AGXT: variants seen among roughly 807,000 people sequenced by gnomAD.
The protein encoded by AGXT is alanine--glyoxylate aminotransferase.
Under a neutral mutation model 46.9 loss-of-function variants are expected in AGXT, and 41 were observed. The ratio of observed to expected loss-of-function variants is 0.88; its 90% CI spans 0.68 to 1.14. The LOEUF is 1.14. Ranked by LOEUF, AGXT falls within the 50% of genes most tolerant of loss-of-function variation. The probability of loss-of-function intolerance (pLI) is 0.00; values close to 1 mark genes in which losing one functional copy is unlikely to be tolerated. For missense variants in AGXT, 525 were observed against 522.7 expected, an observed-to-expected ratio of 1.00 and a Z score of -0.04; for synonymous variants, 244 against 227.9, an observed-to-expected ratio of 1.07 and a Z score of -0.64.
chr2:240,873,545 C>T (rs1231398610), intron 5 of AGXT: 1 of 287,500 alleles, frequency 3.5e-6, no homozygotes, highest in East Asian at 9.4e-5. Flanking sequence ...CGGGAGAGAG[C>T]CTGCACATTG....
chr2:240,869,142 G>A (rs1231420875), intron 1 of AGXT, 28 bp from the exon 2 acceptor site: 1 of 1,610,936 alleles, frequency 6.2e-7, no homozygotes. Context: ...GGGGAGCCTG[G>A]GTCTCACCCT....
intron 6 of AGXT, among the ~76,000 whole-genome samples, chr2:240,874,859 G>A (rs1020372406): frequency 5.9e-5 from 9 of 152,248 alleles, no homozygotes; most frequent in African/African-American, 1.9e-4. Flanking sequence ...ACACAGAGTG[G>A]AGGGAGCTGG....
intron 8 of AGXT, 48 bp downstream of exon 8, chr2:240,876,052 T>A: frequency 6.3e-7 from 1 of 1,599,262 alleles, no homozygotes; most frequent in Non-Finnish European, 8.6e-7. Flanking sequence ...CTGGCTGGAT[T>A]GTCGAGGGCG....
At position 240,878,722 on chromosome 2, in the gene AGXT, G is replaced by A. The variant is rs1201486167; in HGVS notation, c.1080G>A (p.Arg360=). 6 of 1,561,110 alleles carry A rather than the reference G, an allele frequency of 3.8e-6. No individual in the cohort carries two copies. Among genetic ancestry groups the A allele is most frequent in the South Asian group, 1.2e-5 (1 of 84,978 alleles). The change falls in exon 11 of 11, where the codon CGG becomes CGA. Residue 360 remains arginine (R), a synonymous_variant. Coordinates refer to ENST00000307503, the MANE Select transcript of AGXT (RefSeq NM_000030.3). ...CGCCCTGTGCCCCCCAGGTGCTGCG[G>A]ATCGGCCTGCTGGGCTGCAATGCCA... The part of the protein sequence containing the change: ...GLGPSTGKVL[R]IGLLGCNATR...
At chr2:240,870,519 G>A in intron 2 of AGXT, 125 bp from the exon 3 acceptor site, 8 of 1,142,512 alleles carry the variant, frequency 7.0e-6, no homozygotes, top group Non-Finnish European at 1.0e-5. Context: ...CAGGCAGGCA[G>A]CCAGGGTGCC....
intron 8 of AGXT, 83 bp from the exon 9 acceptor site, chr2:240,877,454 G>C: frequency 1.5e-6 from 2 of 1,347,240 alleles, no homozygotes; most frequent in Non-Finnish European, 2.1e-6. Context: ...GCAGAGTCAG[G>C]TTCTTCCTCC....
At chr2:240,872,252 T>G (rs2058994805) in intron 4 of AGXT, among the ~76,000 whole-genome samples, 1 of 145,734 alleles carries the variant, frequency 6.9e-6, no homozygotes. Flanking sequence ...GGATAAGAGT[T>G]CGTGAACATG....
At chr2:240,876,295 G>A (rs2059024507) in intron 8 of AGXT, among the ~76,000 whole-genome samples, 1 of 152,194 alleles carries the variant, frequency 6.6e-6, no homozygotes, top group South Asian at 2.1e-4. Flanking sequence ...GGGTGGGCTG[G>A]GAGAAGGGGA....
In AGXT at chr2:240,880,192, G is replaced by A. The variant is rs909064060; in HGVS notation, c.*1371G>A. 1.3e-5 allele frequency: 2 copies of A among 152,176 alleles called. No individual in the cohort carries two copies. Among genetic ancestry groups the A allele is most frequent in the South Asian group, 2.1e-4 (1 of 4,818 alleles). The allele number at this position is 152,176 out of a possible 1,614,324, so 9.4% of individuals were successfully genotyped here. A position where few individuals can be genotyped will look rare whatever the true frequency, so the allele number is the denominator to read the frequency against. On this transcript the variant is annotated 3_prime_UTR_variant, in exon 11 of 11. Transcript: ENST00000307503. ...TCATACAATAGGCTTAACCTTATAC[G>A]AGACTGCCACGAAATTCTCCGAAGT...
chr2:240,876,131 T>A, intron 8 of AGXT, 127 bp downstream of exon 8: 1 of 1,155,736 alleles, frequency 8.7e-7, no homozygotes, highest in Non-Finnish European at 1.3e-6. Context: ...AGGCCCTCAG[T>A]GGGGGTGGGG....
chr2:240,871,577 G>T, intron 4 of AGXT, 128 bp downstream of exon 4: 1 of 876,880 alleles, frequency 1.1e-6, no homozygotes, highest in Non-Finnish European at 1.8e-6. Context: ...ATGGTATGGG[G>T]TGCAGGCACC....
intron 4 of AGXT, among the ~76,000 whole-genome samples, chr2:240,872,392 T>C (rs62189565): frequency 0.011 from 224 of 21,226 alleles, no homozygotes; most frequent in African/African-American, 0.022. Flanking sequence ...AACATGCAGG[T>C]GGAGGAGGGT....
chr2:240,874,454 C>G (rs142138960), intron 6 of AGXT, among the ~76,000 whole-genome samples: 1 of 152,172 alleles, frequency 6.6e-6, no homozygotes, highest in African/African-American at 2.4e-5. Context: ...TCTCACCTCC[C>G]GCTCCTGGTG....
At chr2:240,869,667 G>T (rs905844871) in intron 2 of AGXT, among the ~76,000 whole-genome samples, 2 of 152,154 alleles carry the variant, frequency 1.3e-5, no homozygotes, top group Non-Finnish European at 2.9e-5. Flanking sequence ...ACACACTCCT[G>T]AGAGCCCCGG....
intron 10 of AGXT, 150 bp downstream of exon 10, chr2:240,878,300 T>C (rs2059039337): frequency 7.6e-6 from 9 of 1,190,418 alleles, no homozygotes; most frequent in Non-Finnish European, 8.2e-6. Flanking sequence ...CCAAGGGGTA[T>C]CCAGTAAAGC....
At chr2:240,878,594 A>T in intron 10 of AGXT, 120 bp from the exon 11 acceptor site, 1 of 946,308 alleles carries the variant, frequency 1.1e-6, no homozygotes, top group Non-Finnish European at 1.6e-6. Flanking sequence ...AACTCCCCTC[A>T]TGGACGCTGG....
chr2:240,872,180 G>T (rs112869101), intron 4 of AGXT, among the ~76,000 whole-genome samples: 1 of 151,698 alleles, frequency 6.6e-6, no homozygotes, highest in Non-Finnish European at 1.5e-5. Flanking sequence ...GCGGAGGAGG[G>T]TGAGAGTTCG....
rs745637624 is a variant in AGXT, at chr2:240,875,168, T to G, written c.740T>G (p.Leu247Arg). Residue 247 changes from leucine (L) to arginine (R), a missense_variant, in exon 7 of 11, where the codon CTG becomes CGG. Transcript: ENST00000307503. ...PFSFYLDIKW[L>R]ANFWGCDDQP... ...TCCTTCTACCTGGACATCAAGTGGC[T>G]GGCCAACTTCTGGGGCTGTGACGAC... The G allele has an allele frequency of 1.9e-6, 3 of 1,613,878 alleles. No individual in the cohort carries two copies. The East Asian group carries it at 6.7e-5, about 36-fold the overall frequency.
intron 8 of AGXT, among the ~76,000 whole-genome samples, chr2:240,876,518 G>A (rs1040990612): frequency 6.6e-6 from 1 of 152,144 alleles, no homozygotes; most frequent in Non-Finnish European, 1.5e-5. Flanking sequence ...GCTGAGAGTG[G>A]CCTCAGGCCC....
Sources: gnomAD v4.1 joint callset for allele counts (sites outside exome capture counted in the v4.1 genomes callset) on GRCh38, gnomAD v4.1.1 for gene constraint, MANE v1.5 for transcripts, NCBI Gene and HGNC (gene_info 2026-07-23, HGNC 2026-07-21) for gene names.